The following PCDHB4 variants were observed in gnomAD, a reference collection of about 807,000 sequenced individuals.
PCDHB4 encodes protocadherin beta-4.
For missense variants in PCDHB4, 1,063 were observed against 1,007.0 expected (o/e 1.06, Z -0.75); for synonymous variants, 482 against 447.3 (o/e 1.08, Z -0.98).
At position 141,122,162 on chromosome 5, in the gene PCDHB4, T is replaced by C. The variant is rs372445912; in HGVS notation, c.164T>C (p.Ile55Thr). Residue 55 changes from isoleucine to threonine, a missense_variant, in exon 1 of 1, where the codon ATT becomes ACT. Physicochemically the swap from Ile to Thr is moderately conservative, Grantham distance 89. Coordinates refer to ENST00000194152, the MANE Select transcript of PCDHB4 (RefSeq NM_018938.4). ...AHLAKDLGLG[I>T]GELASRSARV... is the part of the protein sequence containing the mutation. ...CTGGCCAAGGATCTGGGCCTGGGAA[T>C]TGGGGAACTGGCCTCCCGGTCAGCC... The C allele has an allele frequency of 3.4e-5, 55 of 1,614,046 alleles. No homozygotes were observed. Among genetic ancestry groups the C allele is most frequent in the African/African-American group, 4.0e-5 (3 of 74,930 alleles).
Position 141,124,383 on chromosome 5 carries a change from T to C in PCDHB4, c.2385T>C (p.Ser795=). The change falls in exon 1 of 1, where the codon AGT becomes AGC. Residue 795 remains serine (S), a synonymous_variant. Transcript: ENST00000194152. ...AGTTCAGAAATAGCTTGGTATTCAG[T>C]TAAGTATTGTATTTAGTTCAGTGAA... ...NPKFRNSLVF[S] 1 of 1,598,842 alleles carries C rather than the reference T, an allele frequency of 6.3e-7. No homozygotes were observed. The highest frequency in any genetic ancestry group is 8.5e-7 in the Non-Finnish European group (1 of 1,172,090).
Position 141,123,696 on chromosome 5 carries a change from T to C in PCDHB4, c.1698T>C (p.Asn566=), listed in dbSNP as rs535776973. 1.3e-3 allele frequency: 2,055 copies of C among 1,610,446 alleles called. 13 individuals carry two copies. The African/African-American group carries it at 0.019, about 15-fold the overall frequency. ...NSPFVLYPLQ[N]GSAPCTELVP... is the part of the protein sequence containing the mutation. ...CCTTCGTGCTGTACCCGCTGCAGAA[T>C]GGCTCCGCGCCCTGCACCGAGCTGG... The change falls in exon 1 of 1, where the codon AAT becomes AAC. Residue 566 remains asparagine (N), a synonymous_variant. Transcript: ENST00000194152.
Position 141,123,676 on chromosome 5 carries a change from G to C in PCDHB4, c.1678G>C (p.Val560Leu). Residue 560 changes from valine (V) to leucine (L), a missense_variant, in exon 1 of 1, where the codon GTG (valine) becomes CTG (leucine). Val to Leu is a conservative substitution (Grantham distance 32). Transcript: ENST00000194152. The part of the protein sequence containing the change: ...VLDTNDNSPF[V>L]LYPLQNGSAP... ...GGACACCAACGACAACTCGCCCTTC[G>C]TGCTGTACCCGCTGCAGAATGGCTC... 6.2e-7 allele frequency: 1 copy of C among 1,611,362 alleles called. No individual in the cohort carries two copies. Among genetic ancestry groups the C allele is most frequent in the Non-Finnish European group, 8.5e-7 (1 of 1,179,580 alleles).
rs1455751622 is a variant in PCDHB4 at position 141,123,274 on chromosome 5, G to C, written c.1276G>C (p.Gly426Arg). The change falls in exon 1 of 1, where the codon GGG (glycine) becomes CGG (arginine). Residue 426 changes from glycine to arginine, a missense_variant. Transcript: ENST00000194152. The part of the protein sequence containing the change: ...YNITIAVTDL[G>R]TPRLKTQQNI... ...CATCACCATCGCCGTCACTGACTTG[G>C]GGACACCCAGGCTGAAAACCCAGCA... 6.2e-7 allele frequency: 1 copy of C among 1,613,960 alleles called. No individual in the cohort carries two copies. The highest frequency in any genetic ancestry group is 8.5e-7 in the Non-Finnish European group (1 of 1,180,034).
Position 141,123,673 on chromosome 5 carries a change from T to G in PCDHB4, c.1675T>G (p.Phe559Val), listed in dbSNP as rs782372347. 6.2e-7 allele frequency: 1 copy of G among 1,611,316 alleles called. No homozygotes were observed. Among genetic ancestry groups the G allele is most frequent in the East Asian group, 2.2e-5 (1 of 44,876 alleles). ...LVLDTNDNSP[F>V]VLYPLQNGSA... ...GCTGGACACCAACGACAACTCGCCC[T>G]TCGTGCTGTACCCGCTGCAGAATGG... The change falls in exon 1 of 1, where the codon TTC becomes GTC. Residue 559 changes from phenylalanine to valine, a missense_variant. Coordinates refer to ENST00000194152, the MANE Select transcript of PCDHB4 (RefSeq NM_018938.4).
In PCDHB4 at chr5:141,123,937, G is replaced by A. The variant is rs782476903; in HGVS notation, c.1939G>A (p.Gly647Ser). ...HRLVVLVKDNGEPPRSATATL... is the reference protein window; with the variant it reads ...HRLVVLVKDNSEPPRSATATL... ...GCTCGTGGTGCTTGTCAAGGACAATGGCGAGCCTCCGCGCTCGGCCACCGC... is the reference window on the plus strand; with the variant it reads ...GCTCGTGGTGCTTGTCAAGGACAATAGCGAGCCTCCGCGCTCGGCCACCGC... The change falls in exon 1 of 1, where the codon GGC (glycine) becomes AGC (serine). Residue 647 changes from glycine to serine, a missense_variant. Coordinates refer to ENST00000194152, the MANE Select transcript of PCDHB4 (RefSeq NM_018938.4). 2 of 1,605,090 alleles carry A rather than the reference G, an allele frequency of 1.2e-6. No homozygotes were observed. Among genetic ancestry groups the A allele is most frequent in the Non-Finnish European group, 1.7e-6 (2 of 1,179,692 alleles).
chr5:141,123,365 C>A lies in PCDHB4; in HGVS notation c.1367C>A (p.Thr456Asn), dbSNP rs1372143357. Residue 456 changes from threonine to asparagine, a missense_variant, in exon 1 of 1, where the codon ACC (threonine) becomes AAC (asparagine). Transcript: ENST00000194152. ...NAPAFTQTSY[T>N]LFVRENNSPA... Reference sequence around the variant, plus strand: ...CCCGCCTTCACCCAAACCTCCTACACCCTGTTCGTCCGCGAGAACAACAGC... The same window carrying A: ...CCCGCCTTCACCCAAACCTCCTACAACCTGTTCGTCCGCGAGAACAACAGC... The A allele has an allele frequency of 6.2e-7, 1 of 1,613,878 alleles. No individual in the cohort carries two copies. Among genetic ancestry groups the A allele is most frequent in the South Asian group, 1.1e-5 (1 of 91,068 alleles).
Position 141,125,623 on chromosome 5 carries a change from A to G in PCDHB4, c.*1237A>G, listed in dbSNP as rs1752396937. On this transcript the variant is annotated 3_prime_UTR_variant, in exon 1 of 1. Transcript: ENST00000194152. ...CAGTAATAAATTTATCTGAATTAAA[A>G]TTGTTTTATGCTGTGATCAGTAAGC... 6.6e-6 allele frequency: 1 copy of G among 152,216 alleles called. No individual in the cohort carries two copies. The highest frequency in any genetic ancestry group is 2.4e-5 in the African/African-American group (1 of 41,466). The allele number at this position is 152,216 out of a possible 1,614,324, so 9.4% of individuals were successfully genotyped here. A position where few individuals can be genotyped will look rare whatever the true frequency, so the allele number is the denominator to read the frequency against.
In PCDHB4 at chr5:141,122,989, A is replaced by C; in HGVS notation, c.991A>C (p.Thr331Pro). 2 of 1,614,040 alleles carry C rather than the reference A, an allele frequency of 1.2e-6. No homozygotes were observed. The highest frequency in any genetic ancestry group is 1.7e-6 in the Non-Finnish European group (2 of 1,179,984). ...TDGGGLSGKG[T>P]VVIEVVDVND... The stretch of plus-strand genomic sequence containing the variant: ...TGGAGGAGGCCTTTCTGGAAAAGGC[A>C]CTGTAGTCATAGAGGTGGTGGATGT... The change falls in exon 1 of 1, where the codon ACT becomes CCT. Residue 331 changes from threonine to proline, a missense_variant. Thr to Pro is a conservative substitution (Grantham distance 38, BLOSUM62 -1). Transcript: ENST00000194152.
In PCDHB4 at chr5:141,122,359, T is replaced by C; in HGVS notation, c.361T>C (p.Leu121=). 1 of 1,614,166 alleles carries C rather than the reference T, an allele frequency of 6.2e-7. No homozygotes were observed. ...GGTGCAATTTTTTCAAGGAGAATTA[T>C]TGATCCAGGACATAAATGATCACTC... is the stretch of plus-strand genomic sequence containing the variant. ...MPVQFFQGEL[L]IQDINDHSPI... The change falls in exon 1 of 1, where the codon TTG becomes CTG. Residue 121 remains leucine (L), a synonymous_variant. Transcript: ENST00000194152.
Position 141,122,746 on chromosome 5 carries a change from G to A in PCDHB4, c.748G>A (p.Val250Ile), listed in dbSNP as rs370474923. ...EFVHTPYGVQ[V>I]LENSPLDSPI... ...TGTGCACACTCCATATGGGGTGCAGGTCCTGGAAAACAGCCCCCTAGACTC... is the reference window on the plus strand; with the variant it reads ...TGTGCACACTCCATATGGGGTGCAGATCCTGGAAAACAGCCCCCTAGACTC... Residue 250 changes from valine (V) to isoleucine (I), a missense_variant, in exon 1 of 1, where the codon GTC (valine) becomes ATC (isoleucine). By Grantham distance (29) the Val-to-Ile change is conservative (BLOSUM62 3). Transcript: ENST00000194152. 3.1e-6 allele frequency: 5 copies of A among 1,614,084 alleles called. No individual in the cohort carries two copies. The African/African-American group carries it at 4.0e-5, about 13-fold the overall frequency.
In PCDHB4 at chr5:141,124,441, A is replaced by G; in HGVS notation, c.*55A>G. ...TTAGTTTTGTCAAACTTCCCACTGC[A>G]ATGCCTTTATTTAAAAAAATTGTCT... On this transcript the variant is annotated 3_prime_UTR_variant, in exon 1 of 1. Coordinates refer to ENST00000194152, the MANE Select transcript of PCDHB4 (RefSeq NM_018938.4). The G allele has an allele frequency of 1.4e-6, 2 of 1,395,784 alleles. No homozygotes were observed. Among genetic ancestry groups the G allele is most frequent in the Non-Finnish European group, 1.9e-6 (2 of 1,027,754 alleles). 86.5% of individuals were successfully genotyped at this position (1,395,784 alleles called of 1,614,324 possible). A position where few individuals can be genotyped will look rare whatever the true frequency, so the allele number is the denominator to read the frequency against.
chr5:141,122,469 G>C lies in PCDHB4; in HGVS notation c.471G>C (p.Glu157Asp). 6.2e-7 allele frequency: 1 copy of C among 1,614,234 alleles called. No homozygotes were observed. ...PGTLFPLLIA[E>D]DLDVGSNGLQ... ...CTCTATTTCCGTTGCTAATAGCTGA[G>C]GATTTGGATGTGGGCAGCAATGGTC... The change falls in exon 1 of 1, where the codon GAG becomes GAC. Residue 157 changes from glutamate (E) to aspartate (D), a missense_variant. By Grantham distance (45) the Glu-to-Asp change is conservative. Coordinates refer to ENST00000194152, the MANE Select transcript of PCDHB4 (RefSeq NM_018938.4).
In PCDHB4 at chr5:141,122,146, G is replaced by A; in HGVS notation, c.148G>A (p.Asp50Asn). ...CTCCTTTGTAGCCCATCTGGCCAAGGATCTGGGCCTGGGAATTGGGGAACT... is the reference window on the plus strand; with the variant it reads ...CTCCTTTGTAGCCCATCTGGCCAAGAATCTGGGCCTGGGAATTGGGGAACT... ...SGSFVAHLAK[D>N]LGLGIGELAS... Residue 50 changes from aspartate to asparagine, a missense_variant, in exon 1 of 1, where the codon GAT (aspartate) becomes AAT (asparagine). By Grantham distance (23) the Asp-to-Asn change is conservative. Transcript: ENST00000194152. 6.2e-7 allele frequency: 1 copy of A among 1,614,218 alleles called. No individual in the cohort carries two copies. The highest frequency in any genetic ancestry group is 1.3e-5 in the African/African-American group (1 of 75,060).
rs782064797 is a variant in PCDHB4, at chr5:141,123,862, G to A, written c.1864G>A (p.Glu622Lys). The A allele has an allele frequency of 6.2e-7, 1 of 1,606,932 alleles. No individual in the cohort carries two copies. The highest frequency in any genetic ancestry group is 8.5e-7 in the Non-Finnish European group (1 of 1,178,824). Residue 622 changes from glutamate (E) to lysine (K), a missense_variant, in exon 1 of 1, where the codon GAG becomes AAG. Glu to Lys is a moderately conservative substitution (Grantham distance 56). Transcript: ENST00000194152. ...GTTCGGCGTGTGGGCGCACAATGGC[G>A]AGGTGCGCACCGCCAGGCTGCTGAG... ...GLFGVWAHNG[E>K]VRTARLLSER...
rs1554274411 is a variant in PCDHB4 at position 141,122,799 on chromosome 5, T to C, written c.801T>C (p.Asp267=). ...DSPIVRVLAR[D]IDAGNFGSVS... is the part of the protein sequence containing the mutation. ...CAATTGTTAGGGTCTTAGCTAGAGA[T>C]ATAGATGCTGGAAACTTCGGGAGTG... The change falls in exon 1 of 1, where the codon GAT becomes GAC. Residue 267 remains aspartate, a synonymous_variant. Coordinates refer to ENST00000194152, the MANE Select transcript of PCDHB4 (RefSeq NM_018938.4). 6.2e-7 allele frequency: 1 copy of C among 1,613,978 alleles called. No individual in the cohort carries two copies. The highest frequency in any genetic ancestry group is 1.3e-5 in the African/African-American group (1 of 74,920).
rs1554274310 is a variant in PCDHB4, at chr5:141,122,282, G to C, written c.284G>C (p.Cys95Ser). 1 of 1,614,018 alleles carries C rather than the reference G, an allele frequency of 6.2e-7. No individual in the cohort carries two copies. Among genetic ancestry groups the C allele is most frequent in the East Asian group, 2.2e-5 (1 of 44,882 alleles). Residue 95 changes from cysteine to serine, a missense_variant, in exon 1 of 1, where the codon TGT becomes TCT. By Grantham distance (112) the Cys-to-Ser change is moderately radical. Coordinates refer to ENST00000194152, the MANE Select transcript of PCDHB4 (RefSeq NM_018938.4). ...LREKLDREEL[C>S]GPIEPCVLHF... is the part of the protein sequence containing the mutation. Reference sequence around the variant, plus strand: ...GAGAAACTAGACCGGGAAGAGCTCTGTGGTCCTATTGAACCGTGTGTACTG... The same window carrying C: ...GAGAAACTAGACCGGGAAGAGCTCTCTGGTCCTATTGAACCGTGTGTACTG...
rs1554274916 is a variant in PCDHB4, at chr5:141,125,394, G to A, written c.*1008G>A. 1 of 152,126 alleles carries A rather than the reference G, an allele frequency of 6.6e-6. No individual in the cohort carries two copies. Among genetic ancestry groups the A allele is most frequent in the Non-Finnish European group, 1.5e-5 (1 of 68,006 alleles). 9.4% of individuals were successfully genotyped at this position (152,126 alleles called of 1,614,324 possible). On this transcript the variant is annotated 3_prime_UTR_variant, in exon 1 of 1. Transcript: ENST00000194152. The stretch of plus-strand genomic sequence containing the variant: ...CACCTTGGCTATTCTGTTTAAATCT[G>A]ATAATCAGTTGATCTCAGGTTTTTC...
chr5:141,123,209 CAGAG>C lies in PCDHB4; in HGVS notation c.1215_1218del (p.Glu405AspfsTer25), dbSNP rs782599801. On this transcript the variant is annotated frameshift_variant, in exon 1 of 1. Coordinates refer to ENST00000194152, the MANE Select transcript of PCDHB4 (RefSeq NM_018938.4). LOFTEE classifies it low-confidence loss of function (END_TRUNC). ...TTGAAGAATTTTTACACCCTGGTAA[CAGAG>C]AGACCACTGGACCGAGAGACCAGCG... 17 of 1,614,064 alleles carry C rather than the reference CAGAG, an allele frequency of 1.1e-5. No individual in the cohort carries two copies. Among genetic ancestry groups the C allele is most frequent in the Non-Finnish European group, 1.4e-5 (17 of 1,180,040 alleles).
Sources: allele counts gnomAD v4.1 joint callset, GRCh38; gene constraint gnomAD v4.1.1; transcripts MANE v1.5; gene names NCBI Gene and HGNC (gene_info 2026-07-23, HGNC 2026-07-21).